Variants in SKAP1 observed in about 807,000 individuals in gnomAD.
The protein encoded by SKAP1 is src kinase associated phosphoprotein 1.
A neutral mutation model predicts 58.5 loss-of-function variants in SKAP1; 44 were observed. That is an observed-to-expected ratio of 0.75 (90% CI 0.59 to 0.97). The LOEUF (loss-of-function observed/expected upper bound fraction) is 0.97, where lower values mean the gene tolerates loss of function less well. Ranked by LOEUF, SKAP1 falls within the 50% of genes least tolerant of loss-of-function variation. SKAP1 has a pLI of 0.00. For missense variants in SKAP1, 390 were observed against 435.2 expected (o/e 0.90, Z 0.92); for synonymous variants, 127 against 149.7 (o/e 0.85, Z 1.11).
At chr17:48,291,794 A>C (rs2065900691) in intron 4 of SKAP1, among the ~76,000 whole-genome samples, 1 of 152,156 alleles carries the variant, frequency 6.6e-6, no homozygotes, top group African/African-American at 2.4e-5. Context: ...TTGATTTTTT[A>C]TTTATGTGAA....
At chr17:48,388,876 G>A (rs2067311061) in intron 2 of SKAP1, among the ~76,000 whole-genome samples, 2 of 152,116 alleles carry the variant, frequency 1.3e-5, no homozygotes, top group African/African-American at 2.4e-5. Flanking sequence ...CGTGATAGAA[G>A]GTCTAAATTA....
rs1567821291 is a variant in SKAP1, at chr17:48,207,933, G to T, written c.281-18433C>A. On this transcript the variant is annotated intron_variant, in intron 4 of 12. Transcript: ENST00000336915. ...CAGAATTCCTAGAATGTCCTAGAAT[G>T]ACTTCAGATCAGTGCAAAGACAGAG... 3.3e-5 allele frequency among the ~76,000 whole-genome samples: 5 copies of T among 152,320 alleles called. No homozygotes were observed. In the South Asian group the frequency reaches 8.3e-4, roughly 25 times the overall value.
intron 3 of SKAP1, among the ~76,000 whole-genome samples, 157 bp downstream of exon 3, chr17:48,363,632 G>T (rs949381221): frequency 2.0e-4 from 30 of 152,208 alleles, no homozygotes; most frequent in African/African-American, 6.8e-4. Context: ...CAGGGCAGGG[G>T]AGCGCAGCAG....
intron 1 of SKAP1, among the ~76,000 whole-genome samples, chr17:48,402,313 A>C (rs1567900497): frequency 3.3e-5 from 5 of 151,532 alleles, no homozygotes; most frequent in African/African-American, 9.7e-5. Context: ...CAAAAACTTT[A>C]CACAAATATT....
intron 4 of SKAP1, among the ~76,000 whole-genome samples, chr17:48,247,647 C>T (rs1426491380): frequency 2.6e-5 from 4 of 152,144 alleles, no homozygotes; most frequent in African/African-American, 7.2e-5. Context: ...ACATACACCA[C>T]CTTTAATTTT....
intron 4 of SKAP1, among the ~76,000 whole-genome samples, chr17:48,281,343 C>T (rs2065764508): frequency 6.6e-6 from 1 of 152,050 alleles, no homozygotes; most frequent in Non-Finnish European, 1.5e-5. Flanking sequence ...AGTTTTAAAG[C>T]ACTTCAGTCT....
chr17:48,263,804 C>T (rs1299969440), intron 4 of SKAP1, among the ~76,000 whole-genome samples: 1 of 152,188 alleles, frequency 6.6e-6, no homozygotes, highest in Non-Finnish European at 1.5e-5. Flanking sequence ...GTTTTGACCG[C>T]CAGATGACCT....
chr17:48,238,248 C>T (rs1018625396), intron 4 of SKAP1, among the ~76,000 whole-genome samples: 1 of 152,114 alleles, frequency 6.6e-6, no homozygotes, highest in Non-Finnish European at 1.5e-5. Context: ...CCCGTCTCAG[C>T]CTCCCAAAAT....
intron 4 of SKAP1, among the ~76,000 whole-genome samples, chr17:48,293,024 G>A (rs1417876541): frequency 1.3e-5 from 2 of 151,950 alleles, no homozygotes; most frequent in African/African-American, 2.4e-5. Context: ...AATATACGTC[G>A]TAAAACTTAA....
intron 4 of SKAP1, among the ~76,000 whole-genome samples, chr17:48,223,557 G>A (rs2065029313): frequency 6.6e-6 from 1 of 152,190 alleles, no homozygotes; most frequent in Non-Finnish European, 1.5e-5. Context: ...GTGGGCAAAT[G>A]TCCCATGTGG....
intron 4 of SKAP1, among the ~76,000 whole-genome samples, chr17:48,327,637 C>G (rs747285152): frequency 2.0e-5 from 3 of 152,110 alleles, no homozygotes; most frequent in African/African-American, 4.8e-5. Context: ...GAAGGCAATT[C>G]AACATGTTAT....
intron 1 of SKAP1, among the ~76,000 whole-genome samples, chr17:48,412,788 T>A (rs1379817385): frequency 6.6e-6 from 1 of 152,204 alleles, no homozygotes; most frequent in Non-Finnish European, 1.5e-5. Flanking sequence ...ATTAACATGA[T>A]ATAATTATCC....
intron 4 of SKAP1, among the ~76,000 whole-genome samples, chr17:48,278,387 T>C (rs2065725613): frequency 6.6e-6 from 1 of 152,194 alleles, no homozygotes; most frequent in Admixed American, 6.5e-5. Context: ...AAAAAATAAA[T>C]TACATGTATA....
intron 1 of SKAP1, among the ~76,000 whole-genome samples, chr17:48,405,563 C>T (rs973443951): frequency 1.3e-5 from 2 of 148,296 alleles, no homozygotes; most frequent in Non-Finnish European, 3.0e-5. Context: ...AGTCCAATGG[C>T]GCTATCTCGG....
chr17:48,207,737 C>T (rs2064827019), intron 4 of SKAP1, among the ~76,000 whole-genome samples: 1 of 152,120 alleles, frequency 6.6e-6, no homozygotes. Flanking sequence ...TATGGAATCC[C>T]ATTATGAAAT....
At chr17:48,204,939 TCCTC>T (rs1029722825) in intron 4 of SKAP1, among the ~76,000 whole-genome samples, 6 of 148,212 alleles carry the variant, frequency 4.0e-5, no homozygotes, top group East Asian at 2.0e-4. Flanking sequence ...CTTCCTTCCT[TCCTC>T]CCTCCCTCCT....
At chr17:48,244,305 C>T (rs1406015975) in intron 4 of SKAP1, among the ~76,000 whole-genome samples, 1 of 152,088 alleles carries the variant, frequency 6.6e-6, no homozygotes, top group African/African-American at 2.4e-5. Context: ...CTCCTTTGCC[C>T]CTAAACAAAG....
chr17:48,187,765 G>T, intron 6 of SKAP1, 78 bp downstream of exon 6: 1 of 977,300 alleles, frequency 1.0e-6, no homozygotes, highest in East Asian at 2.5e-5. Flanking sequence ...CTGCTATCTT[G>T]GGATCTAAGT....
At chr17:48,208,542 C>T (rs2064835012) in intron 4 of SKAP1, among the ~76,000 whole-genome samples, 1 of 152,138 alleles carries the variant, frequency 6.6e-6, no homozygotes, top group Non-Finnish European at 1.5e-5. Flanking sequence ...GATACTCTCC[C>T]CCAGGACCTC....
Sources: gnomAD v4.1 joint callset for allele counts (sites outside exome capture counted in the v4.1 genomes callset) on GRCh38, gnomAD v4.1.1 for gene constraint, MANE v1.5 for transcripts, NCBI Gene and HGNC (gene_info 2026-07-23, HGNC 2026-07-21) for gene names.